PTPRD: variants seen among roughly 807,000 people sequenced by gnomAD.
PTPRD encodes the protein protein tyrosine phosphatase receptor type D, also known as receptor-type tyrosine-protein phosphatase delta.
PTPRD carries 34 observed loss-of-function variants against 214.5 expected under a neutral mutation model. That is an observed-to-expected ratio of 0.16 (90% confidence interval 0.12 to 0.21). PTPRD has a LOEUF of 0.21. Ranked by LOEUF, PTPRD falls within the 10% of genes least tolerant of loss-of-function variation. PTPRD has a pLI of 1.00. For synonymous variants in PTPRD, 1,128 were observed against 845.7 expected, an observed-to-expected ratio of 1.33 and a Z score of -5.79; for missense variants, 2,545 against 2,398.7, an observed-to-expected ratio of 1.06 and a Z score of -1.27.
intron 11 of PTPRD, among the ~76,000 whole-genome samples, chr9:8,743,154 T>G (rs191978188): frequency 6.2e-4 from 94 of 152,064 alleles, no homozygotes; most frequent in Non-Finnish European, 1.3e-3. Context: ...ATACATTGCT[T>G]TCTAAACCCA....
chr9:10,250,084 T>C (rs1181240292), intron 3 of PTPRD, among the ~76,000 whole-genome samples: 2 of 152,164 alleles, frequency 1.3e-5, no homozygotes, highest in African/African-American at 4.8e-5. Context: ...GTACTTTTCA[T>C]ATTCTATTTA....
chr9:10,002,386 G>A (rs1481568033), intron 4 of PTPRD, among the ~76,000 whole-genome samples: 5 of 148,280 alleles, frequency 3.4e-5, no homozygotes, highest in Admixed American at 6.7e-5. Flanking sequence ...GAGGTTGGGA[G>A]AATAGATTAG....
intron 2 of PTPRD, among the ~76,000 whole-genome samples, chr9:10,377,823 A>G (rs1259811221): frequency 6.6e-6 from 1 of 152,062 alleles, no homozygotes; most frequent in East Asian, 1.9e-4. Context: ...ATGGGCACTT[A>G]GGTTGTTTTC....
At chr9:10,521,802 A>G (rs2052387019) in intron 2 of PTPRD, among the ~76,000 whole-genome samples, 2 of 152,184 alleles carry the variant, frequency 1.3e-5, no homozygotes, top group African/African-American at 4.8e-5. Context: ...TAATAAAGGT[A>G]TGTACATTGT....
At chr9:9,472,546 G>A (rs762769912) in intron 8 of PTPRD, among the ~76,000 whole-genome samples, 27 of 152,090 alleles carry the variant, frequency 1.8e-4, no homozygotes, top group Non-Finnish European at 7.4e-5. Flanking sequence ...CATACTTGAG[G>A]GAACCAACGT....
At chr9:10,096,494 G>A (rs918539191) in intron 3 of PTPRD, among the ~76,000 whole-genome samples, 6 of 151,938 alleles carry the variant, frequency 3.9e-5, no homozygotes, top group Non-Finnish European at 8.8e-5. Context: ...GGCCAGTGAT[G>A]ATGAGCATTT....
intron 3 of PTPRD, among the ~76,000 whole-genome samples, chr9:10,316,268 A>C (rs2096428838): frequency 2.6e-5 from 4 of 151,408 alleles, no homozygotes; most frequent in Non-Finnish European, 5.9e-5. Flanking sequence ...ACTATTCCCA[A>C]TAATTTAATA....
At chr9:8,557,823 CAT>C (rs1185949995) in intron 14 of PTPRD, among the ~76,000 whole-genome samples, 5 of 145,280 alleles carry the variant, frequency 3.4e-5, no homozygotes, top group African/African-American at 1.0e-4. Context: ...TACACACACA[CAT>C]ATGCATATAT....
intron 11 of PTPRD, among the ~76,000 whole-genome samples, chr9:8,893,608 T>A (rs1415174123): frequency 2.0e-5 from 3 of 152,176 alleles, no homozygotes; most frequent in African/African-American, 7.2e-5. Flanking sequence ...CTACACCTGC[T>A]TTGAGAGCAC....
At chr9:10,549,446 C>T (rs1031578551) in intron 2 of PTPRD, among the ~76,000 whole-genome samples, 1 of 152,162 alleles carries the variant, frequency 6.6e-6, no homozygotes, top group Non-Finnish European at 1.5e-5. Context: ...TAATCCCCTT[C>T]TCCCCCATCC....
At chr9:9,524,899 C>G (rs1444628161) in intron 8 of PTPRD, among the ~76,000 whole-genome samples, 1 of 152,146 alleles carries the variant, frequency 6.6e-6, no homozygotes, top group Non-Finnish European at 1.5e-5. Context: ...GCTCTGTTGC[C>G]CAGGCTGGAG....
chr9:8,646,989 A>G (rs1340086079), intron 12 of PTPRD, among the ~76,000 whole-genome samples: 1 of 152,242 alleles, frequency 6.6e-6, no homozygotes, highest in Non-Finnish European at 1.5e-5. Flanking sequence ...TTGGCGAATT[A>G]GCTATGGAAT....
chr9:9,605,978 T>C (rs2154341051), intron 7 of PTPRD, among the ~76,000 whole-genome samples: 1 of 152,156 alleles, frequency 6.6e-6, no homozygotes, highest in East Asian at 1.9e-4. Flanking sequence ...TAACTCATGC[T>C]AAAAAGGAAT....
chr9:9,779,952 C>A (rs559876218), intron 5 of PTPRD, among the ~76,000 whole-genome samples: 7 of 152,156 alleles, frequency 4.6e-5, no homozygotes, highest in African/African-American at 1.2e-4. Context: ...AAGACACATA[C>A]GCTCATATGT....
intron 5 of PTPRD, among the ~76,000 whole-genome samples, chr9:9,768,442 G>A (rs1011687017): frequency 3.0e-4 from 46 of 152,010 alleles, no homozygotes; most frequent in Non-Finnish European, 4.0e-4. Flanking sequence ...TCTACCACCC[G>A]TCAGTGTAAA....
At chr9:8,766,905 T>A (rs2094798035) in intron 11 of PTPRD, among the ~76,000 whole-genome samples, 1 of 152,200 alleles carries the variant, frequency 6.6e-6, no homozygotes, top group South Asian at 2.1e-4. Flanking sequence ...ATGGTGAAAT[T>A]GGCTTCATAG....
chr9:8,759,699 G>A (rs560273238), intron 11 of PTPRD, among the ~76,000 whole-genome samples: 19 of 147,474 alleles, frequency 1.3e-4, no homozygotes, highest in Admixed American at 1.0e-3. Flanking sequence ...TGCTGCTCAT[G>A]ACTTTCTGCT....
At chr9:10,140,256 T>C (rs2098974374) in intron 3 of PTPRD, among the ~76,000 whole-genome samples, 1 of 150,608 alleles carries the variant, frequency 6.6e-6, no homozygotes, top group Non-Finnish European at 1.5e-5. Flanking sequence ...AATAACCCCA[T>C]GAAAAAGTGG....
intron 9 of PTPRD, among the ~76,000 whole-genome samples, chr9:9,230,313 C>G: frequency 6.6e-6 from 1 of 152,206 alleles, no homozygotes; most frequent in East Asian, 1.9e-4. Context: ...CAAAATTTGA[C>G]GAGCTTCCAG....
Sources: gnomAD v4.1 joint callset for allele counts (sites outside exome capture counted in the v4.1 genomes callset) on GRCh38, gnomAD v4.1.1 for gene constraint, MANE v1.5 for transcripts, NCBI Gene and HGNC (gene_info 2026-07-23, HGNC 2026-07-21) for gene names.